Variants in AGBL1 observed in about 807,000 individuals in gnomAD.
AGBL1 encodes the protein cytosolic carboxypeptidase 4.
In AGBL1, 130 loss-of-function variants were observed where a neutral mutation model predicts 118.9. The observed-to-expected ratio is 1.09, with a 90% CI of 0.95 to 1.26. AGBL1 has a LOEUF of 1.26. Among genes scored for constraint, AGBL1 ranks in the 50% most tolerant of loss-of-function variants. The pLI is 0.00. For missense variants in AGBL1, 1,584 were observed against 1,298.1 expected, an observed-to-expected ratio of 1.22 and a Z score of -3.38; for synonymous variants, 555 against 478.9, an observed-to-expected ratio of 1.16 and a Z score of -2.08.
At chr15:86,572,057 C>A (rs1252338519) in intron 21 of AGBL1, among the ~76,000 whole-genome samples, 1 of 152,206 alleles carries the variant, frequency 6.6e-6, no homozygotes, top group Non-Finnish European at 1.5e-5. Context: ...TCTACCCCGA[C>A]TGTGTGCATA....
At chr15:86,625,755 A>C (rs544384413) in intron 21 of AGBL1, among the ~76,000 whole-genome samples, 1 of 152,284 alleles carries the variant, frequency 6.6e-6, no homozygotes, top group East Asian at 1.9e-4. Context: ...AATATTTATT[A>C]AGTTTCTCCC....
intron 17 of AGBL1, among the ~76,000 whole-genome samples, chr15:86,308,980 T>C (rs760957510): frequency 6.6e-6 from 1 of 152,226 alleles, no homozygotes; most frequent in Non-Finnish European, 1.5e-5. Context: ...GGAATTTTGA[T>C]AGAGATTGAA....
chr15:86,448,200 G>T (rs548501720), intron 18 of AGBL1, among the ~76,000 whole-genome samples: 1 of 152,276 alleles, frequency 6.6e-6, no homozygotes, highest in East Asian at 1.9e-4. Flanking sequence ...TAAATGAAAG[G>T]AAGTTAGAGG....
intron 19 of AGBL1, among the ~76,000 whole-genome samples, chr15:86,531,955 G>T (rs1252453369): frequency 6.6e-6 from 1 of 151,380 alleles, no homozygotes; most frequent in African/African-American, 2.4e-5. Flanking sequence ...TTGATGGGAC[G>T]TATTTCAAAA....
chr15:86,459,442 A>G (rs2082302384), intron 18 of AGBL1, among the ~76,000 whole-genome samples: 2 of 152,196 alleles, frequency 1.3e-5, no homozygotes, highest in South Asian at 4.1e-4. Flanking sequence ...AGCTTGCCTA[A>G]AAATATGTGG....
intron 18 of AGBL1, among the ~76,000 whole-genome samples, chr15:86,499,565 G>A (rs1463201158): frequency 6.6e-6 from 1 of 151,888 alleles, no homozygotes; most frequent in Non-Finnish European, 1.5e-5. Context: ...GATTCAGTCT[G>A]AAAGGAGGAT....
At chr15:86,664,086 C>G (rs1471512815) in intron 21 of AGBL1, among the ~76,000 whole-genome samples, 1 of 152,178 alleles carries the variant, frequency 6.6e-6, no homozygotes, top group Non-Finnish European at 1.5e-5. Context: ...ACACCTTCAA[C>G]CCTGCTGTGC....
At chr15:86,569,758 T>C (rs1441850522) in intron 21 of AGBL1, among the ~76,000 whole-genome samples, 1 of 152,328 alleles carries the variant, frequency 6.6e-6, no homozygotes, top group East Asian at 1.9e-4. Context: ...AGCAGGGATC[T>C]TTCCTGGGAT....
chr15:86,687,577 G>A (rs565583280), intron 22 of AGBL1, among the ~76,000 whole-genome samples: 1 of 152,228 alleles, frequency 6.6e-6, no homozygotes, highest in Admixed American at 6.5e-5. Context: ...ATAGTCATGA[G>A]TGATTTCAAA....
chr15:86,198,209 A>G (rs1316512588), intron 5 of AGBL1, among the ~76,000 whole-genome samples: 1 of 152,202 alleles, frequency 6.6e-6, no homozygotes, highest in Non-Finnish European at 1.5e-5. Flanking sequence ...CACTTTTGGA[A>G]TGGGAATGCC....
At chr15:86,123,587 G>T (rs2141587268) in intron 1 of AGBL1, among the ~76,000 whole-genome samples, 1 of 152,234 alleles carries the variant, frequency 6.6e-6, no homozygotes, top group African/African-American at 2.4e-5. Context: ...TTGATCCCGG[G>T]CTTTTAGATA....
intron 17 of AGBL1, among the ~76,000 whole-genome samples, chr15:86,329,183 G>A (rs566992115): frequency 5.9e-5 from 9 of 152,144 alleles, no homozygotes; most frequent in African/African-American, 1.4e-4. Context: ...ACCCCAGCCT[G>A]TTCCCCTGAG....
intron 22 of AGBL1, among the ~76,000 whole-genome samples, chr15:86,842,360 T>C (rs995968225): frequency 9.9e-5 from 15 of 152,196 alleles, no homozygotes; most frequent in African/African-American, 3.6e-4. Flanking sequence ...TCAATTTCAC[T>C]CTAATAAATC....
At chr15:86,579,885 C>T (rs959080056) in intron 21 of AGBL1, among the ~76,000 whole-genome samples, 2 of 152,130 alleles carry the variant, frequency 1.3e-5, no homozygotes, top group Non-Finnish European at 1.5e-5. Context: ...TGGGAAAAGC[C>T]TATGATGACT....
intron 18 of AGBL1, among the ~76,000 whole-genome samples, chr15:86,411,673 C>G (rs929205688): frequency 1.3e-5 from 2 of 152,160 alleles, no homozygotes; most frequent in Admixed American, 1.3e-4. Context: ...TTTCTGCCCC[C>G]TACCCTTCCC....
chr15:86,555,009 T>C (rs1288029309), intron 21 of AGBL1, among the ~76,000 whole-genome samples: 1 of 152,188 alleles, frequency 6.6e-6, no homozygotes, highest in Non-Finnish European at 1.5e-5. Flanking sequence ...TATCCTGCTG[T>C]CTCCAGAGCA....
intron 21 of AGBL1, among the ~76,000 whole-genome samples, chr15:86,623,897 G>C (rs1487392822): frequency 6.6e-6 from 1 of 152,218 alleles, no homozygotes; most frequent in Admixed American, 6.5e-5. Flanking sequence ...AGTTCACCTA[G>C]AAGAGGCACA....
chr15:86,202,284 C>T (rs1010616328), intron 5 of AGBL1, among the ~76,000 whole-genome samples: 2 of 152,126 alleles, frequency 1.3e-5, no homozygotes, highest in Admixed American at 6.5e-5. Flanking sequence ...CAGAGTGAGA[C>T]TCTGTCTGAA....
chr15:86,635,852 A>G (rs1219481091), intron 21 of AGBL1, among the ~76,000 whole-genome samples: 1 of 152,178 alleles, frequency 6.6e-6, no homozygotes, highest in Non-Finnish European at 1.5e-5. Flanking sequence ...CTCTCCTCTC[A>G]GTGCCAACTG....
Sources: gnomAD v4.1 joint callset for allele counts (sites outside exome capture counted in the v4.1 genomes callset) on GRCh38, gnomAD v4.1.1 for gene constraint, MANE v1.5 for transcripts, NCBI Gene and HGNC (gene_info 2026-07-23, HGNC 2026-07-21) for gene names.